Variants in DNAH10 observed in about 807,000 individuals in gnomAD.
DNAH10 encodes dynein axonemal heavy chain 10, also known as axonemal beta dynein heavy chain 10.
A neutral mutation model predicts 506.6 loss-of-function variants in DNAH10; 348 were observed. The observed-to-expected ratio is 0.69, with a 90% CI of 0.63 to 0.75. The LOEUF (loss-of-function observed/expected upper bound fraction) is 0.75. Among genes scored for constraint, DNAH10 ranks in the 30% least tolerant of loss-of-function variants. The pLI, the probability that DNAH10 is intolerant of heterozygous loss-of-function variation, is 0.00. For missense variants in DNAH10, 5,179 were observed against 5,787.1 expected (o/e 0.89, Z 3.41); for synonymous variants, 2,059 against 2,198.6 (o/e 0.94, Z 1.78).
At chr12:123,932,177 C>A in intron 76 of DNAH10, 69 bp downstream of exon 76, 1 of 1,577,604 alleles carries the variant, frequency 6.3e-7, no homozygotes, top group Non-Finnish European at 8.7e-7. Context: ...AACCACCTCC[C>A]AATCCCCTCT....
At chr12:123,882,918 G>T (rs1033799107) in intron 51 of DNAH10, among the ~76,000 whole-genome samples, 5 of 151,982 alleles carry the variant, frequency 3.3e-5, no homozygotes, top group African/African-American at 1.2e-4. Flanking sequence ...GCAACTAACG[G>T]ACTAATCTGC....
chr12:123,913,331 G>C lies in DNAH10; in HGVS notation c.10352+16G>C, dbSNP rs1214282225. The stretch of plus-strand genomic sequence containing the variant: ...AAAACATCAGGTTAGCGCTGCTCAC[G>C]AGCCCACCTGTTGCGGTTTGTAAAC... On this transcript the variant is annotated intron_variant, in intron 60 of 78. Coordinates refer to ENST00000673944, the MANE Select transcript of DNAH10 (RefSeq NM_001372106.1). This position sits in a 1 kb window ranked among gnomAD's most constrained non-coding sequence, Gnocchi z 5.1. The C allele has an allele frequency of 1.3e-6, 2 of 1,562,430 alleles. No homozygotes were observed. Among genetic ancestry groups the C allele is most frequent in the Non-Finnish European group, 1.7e-6 (2 of 1,153,128 alleles).
intron 50 of DNAH10, among the ~76,000 whole-genome samples, chr12:123,881,422 T>C (rs968599937): frequency 1.3e-5 from 2 of 152,240 alleles, no homozygotes; most frequent in East Asian, 3.8e-4. Context: ...CATTTTTTCA[T>C]GTGTCTTTTG....
chr12:123,881,547 A>G (rs1566039718), intron 50 of DNAH10, 78 bp from the exon 51 acceptor site: 15 of 1,358,940 alleles, frequency 1.1e-5, no homozygotes, highest in Non-Finnish European at 1.5e-5. Context: ...GATTCTGGAT[A>G]TTAGCCCTTT....
At chr12:123,849,013 G>A in intron 34 of DNAH10, 131 bp downstream of exon 34, 2 of 1,176,316 alleles carry the variant, frequency 1.7e-6, no homozygotes, top group Non-Finnish European at 2.4e-6. Context: ...AGATCTGTTG[G>A]TTTTTCCAAT....
At chr12:123,790,210 T>TA in intron 11 of DNAH10, 89 bp downstream of exon 11, 2 of 1,207,958 alleles carry the variant, frequency 1.7e-6, no homozygotes, top group Admixed American at 3.0e-5. Flanking sequence ...TGATGCTTAG[T>TA]CTTTTTTTTT....
At chr12:123,873,769 G>A in intron 46 of DNAH10, 59 bp downstream of exon 46, 1 of 1,516,024 alleles carries the variant, frequency 6.6e-7, no homozygotes. Flanking sequence ...TGTTTGCATG[G>A]GTGTGTGTGT....
Position 123,879,630 on chromosome 12 carries a change from C to T in DNAH10, c.8467-4C>T. 6.2e-7 allele frequency: 1 copy of T among 1,613,856 alleles called. No individual in the cohort carries two copies. The highest frequency in any genetic ancestry group is 8.5e-7 in the Non-Finnish European group (1 of 1,179,814). Reference sequence around the variant, plus strand: ...TGGGTCCTTAAGTGGGCTTCTGTTTCAAGGTACAACAGCACATAGGCAGCT... The same window carrying T: ...TGGGTCCTTAAGTGGGCTTCTGTTTTAAGGTACAACAGCACATAGGCAGCT... On this transcript the variant is annotated splice_region_variant and splice_polypyrimidine_tract_variant and intron_variant, in intron 49 of 78. Coordinates refer to ENST00000673944, the MANE Select transcript of DNAH10 (RefSeq NM_001372106.1).
At chr12:123,781,007 C>T in intron 5 of DNAH10, 73 bp from the exon 6 acceptor site, 2 of 1,039,292 alleles carry the variant, frequency 1.9e-6, no homozygotes, top group Non-Finnish European at 2.7e-6. Flanking sequence ...ATATTCAAAA[C>T]CAGAGGCAAT....
Position 123,786,688 on chromosome 12 carries a change from C to T in DNAH10, c.1421+752C>T, listed in dbSNP as rs1594020420. Among the ~76,000 whole-genome samples, 5 of 15,908 alleles carry T rather than the reference C, an allele frequency of 3.1e-4. No individual in the cohort carries two copies. The Admixed American group carries it at 3.9e-3, about 13-fold the overall frequency. The allele number at this position is 15,908 out of a possible 152,430, so 10.4% of individuals were successfully genotyped here. The stretch of plus-strand genomic sequence containing the variant: ...ATACATATATGTGTGTGTGCACACA[C>T]ATATATCTACATGAAATTTTGTTTT... On this transcript the variant is annotated intron_variant, in intron 9 of 78. Transcript: ENST00000673944.
chr12:123,875,490 C>T lies in DNAH10; in HGVS notation c.8198C>T (p.Ser2733Leu), dbSNP rs61732737. Residue 2733 changes from serine (S) to leucine (L), a missense_variant and splice_region_variant, in exon 47 of 79, where the codon TCG becomes TTG. Transcript: ENST00000673944. ...IYSSILKGHT[S>L]TFHESIVAVS... ...TCCTCCATCCTGAAAGGCCACACCTCGGTAACTTGATTTTAACTAGAAGTC... is the reference window on the plus strand; with the variant it reads ...TCCTCCATCCTGAAAGGCCACACCTTGGTAACTTGATTTTAACTAGAAGTC... 15,314 of 1,613,132 alleles carry T rather than the reference C, an allele frequency of 9.5e-3. 206 individuals are homozygous for T. Among genetic ancestry groups the T allele is most frequent in the East Asian group, 0.064 (2,862 of 44,868 alleles).
Position 123,846,197 on chromosome 12 carries a change from G to A in DNAH10, c.5814+43G>A, listed in dbSNP as rs769514744. 1.5e-5 allele frequency: 23 copies of A among 1,578,836 alleles called. No individual in the cohort carries two copies. The highest frequency in any genetic ancestry group is 2.0e-5 in the Non-Finnish European group (23 of 1,162,416). ...ACTTGTGGTTACCACTTACCTTGGG[G>A]CGGGGCATTTTCTCTAAGCTTGAGG... On this transcript the variant is annotated intron_variant, in intron 32 of 78. Transcript: ENST00000673944. The surrounding 1 kb of genome is among the most constrained non-coding windows in gnomAD (Gnocchi z 4.5).
At chr12:123,831,871 C>T (rs1960591712) in intron 26 of DNAH10, among the ~76,000 whole-genome samples, 1 of 150,620 alleles carries the variant, frequency 6.6e-6, no homozygotes, top group Non-Finnish European at 1.5e-5. Context: ...CACCACTGCA[C>T]TCCAGCCTGG....
chr12:123,934,668 G>GAA lies in DNAH10; in HGVS notation c.13529_13530dup (p.Gly4511LysfsTer19). The GAA allele has an allele frequency of 6.2e-7, 1 of 1,613,698 alleles. No homozygotes were observed. Among genetic ancestry groups the GAA allele is most frequent in the Non-Finnish European group, 8.5e-7 (1 of 1,179,762 alleles). On this transcript the variant is annotated frameshift_variant, in exon 78 of 79. Transcript: ENST00000673944. LOFTEE classifies it high-confidence loss of function. ...CCTGGAAGGTGCTGACTGGGATATA[G>GAA]AAAAAGGATGTCTTATCAAGAGCAA...
Position 123,785,218 on chromosome 12 carries a change from C to T in DNAH10, c.1231-528C>T, listed in dbSNP as rs11837186. Among the ~76,000 whole-genome samples the T allele has an allele frequency of 2.5e-3, 381 of 152,282 alleles. 1 individual carries two copies. The highest frequency in any genetic ancestry group is 8.7e-3 in the African/African-American group (362 of 41,558). On this transcript the variant is annotated intron_variant, in intron 8 of 78. Coordinates refer to ENST00000673944, the MANE Select transcript of DNAH10 (RefSeq NM_001372106.1). This position sits in a 1 kb window ranked among gnomAD's most constrained non-coding sequence, Gnocchi z 4.1. ...TTCTGAAGAGCAATACACGAAGGTTCTGGTTTTTCCGTATCTTCACCACCA... is the reference window on the plus strand; with the variant it reads ...TTCTGAAGAGCAATACACGAAGGTTTTGGTTTTTCCGTATCTTCACCACCA...
chr12:123,851,111 C>T (rs764567472), intron 35 of DNAH10, 35 bp downstream of exon 35: 11 of 1,541,620 alleles, frequency 7.1e-6, no homozygotes, highest in Non-Finnish European at 9.6e-6. Flanking sequence ...TCGTGCAGTG[C>T]AGACTTCACC....
intron 40 of DNAH10, 52 bp from the exon 41 acceptor site, chr12:123,865,899 A>G (rs1402855694): frequency 8.6e-6 from 13 of 1,509,258 alleles, no homozygotes; most frequent in Non-Finnish European, 1.2e-5. Context: ...TTAAACATCT[A>G]GTTTATCTTG....
At chr12:123,908,396 A>G in intron 57 of DNAH10, 1 of 455,836 alleles carries the variant, frequency 2.2e-6, no homozygotes, top group Non-Finnish European at 4.4e-6. Flanking sequence ...CACTGCATCC[A>G]TGCCCTCCGG....
Position 123,813,906 on chromosome 12 carries a change from C to T in DNAH10, c.3774C>T (p.Asn1258=). The T allele has an allele frequency of 1.9e-6, 3 of 1,578,992 alleles. No individual in the cohort carries two copies. In the African/African-American group the frequency reaches 4.1e-5, roughly 22 times the overall value. ...GATACCGTACCATGGCAATGTATAACCTCTTTGTAAGTCAACTTGTATTTT... is the reference window on the plus strand; with the variant it reads ...GATACCGTACCATGGCAATGTATAATCTCTTTGTAAGTCAACTTGTATTTT... The part of the protein sequence containing the change: ...QERYRTMAMY[N]LFPPDAEKEL... Residue 1258 remains asparagine, a synonymous_variant, in exon 21 of 79, where the codon AAC becomes AAT. Coordinates refer to ENST00000673944, the MANE Select transcript of DNAH10 (RefSeq NM_001372106.1).
Sources: gnomAD v4.1 joint callset for allele counts (sites outside exome capture counted in the v4.1 genomes callset) on GRCh38, gnomAD v4.1.1 for gene constraint, Gnocchi (gnomAD v3.1) non-coding constraint, MANE v1.5 for transcripts, NCBI Gene and HGNC (gene_info 2026-07-23, HGNC 2026-07-21) for gene names.